L3MBTL4: variants seen among roughly 807,000 people sequenced by gnomAD.
L3MBTL4 encodes the protein L3MBTL histone methyl-lysine binding protein 4.
L3MBTL4 carries 70 observed loss-of-function variants against 84.5 expected under a neutral mutation model. That is an observed-to-expected ratio of 0.83 (90% CI 0.68 to 1.01). The LOEUF (loss-of-function observed/expected upper bound fraction) is 1.01, where lower values mean the gene tolerates loss of function less well. Among genes scored for constraint, L3MBTL4 ranks in the 50% least tolerant of loss-of-function variants. The probability of loss-of-function intolerance (pLI) is 0.00; values close to 1 mark genes in which losing one functional copy is unlikely to be tolerated. For synonymous variants in L3MBTL4, 274 were observed against 259.8 expected, an observed-to-expected ratio of 1.05 and a Z score of -0.52; for missense variants, 715 against 754.8, an observed-to-expected ratio of 0.95 and a Z score of 0.62.
chr18:6,162,807 G>A (rs943489347), intron 13 of L3MBTL4, among the ~76,000 whole-genome samples: 4 of 152,216 alleles, frequency 2.6e-5, no homozygotes, highest in African/African-American at 9.6e-5. Context: ...AAGATACAGA[G>A]GACAGCTATA....
intron 13 of L3MBTL4, among the ~76,000 whole-genome samples, chr18:6,154,856 G>T (rs1327873094): frequency 1.3e-5 from 2 of 152,076 alleles, no homozygotes; most frequent in Admixed American, 1.3e-4. Context: ...TTTGATGAGA[G>T]GGATTACATA....
At chr18:6,402,651 G>C (rs944394496) in intron 1 of L3MBTL4, among the ~76,000 whole-genome samples, 3 of 152,034 alleles carry the variant, frequency 2.0e-5, no homozygotes, top group African/African-American at 7.2e-5. Flanking sequence ...TTAATCACTA[G>C]TGATTAAATT....
chr18:5,989,352 T>C (rs2053589597), intron 16 of L3MBTL4, among the ~76,000 whole-genome samples: 1 of 152,044 alleles, frequency 6.6e-6, no homozygotes, highest in African/African-American at 2.4e-5. Context: ...AAGGCATAAA[T>C]AAAAAAATAT....
At position 6,078,283 on chromosome 18, in the gene L3MBTL4, C is replaced by T. The variant is rs575463815; in HGVS notation, c.1444+2598G>A. Among the ~76,000 whole-genome samples, 17 of 150,836 alleles carry T rather than the reference C, an allele frequency of 1.1e-4. No homozygotes were observed. In the South Asian group the frequency reaches 2.5e-3, roughly 22 times the overall value. ...CTCTGCTAAACTACAAAAAGTTAGC[C>T]GGATGTGGCGGTGTGAGCCTGTAAT... is the stretch of plus-strand genomic sequence containing the variant. On this transcript the variant is annotated intron_variant, in intron 16 of 18. Coordinates refer to ENST00000317931, the MANE Select transcript of L3MBTL4 (RefSeq NM_001330559.2).
chr18:6,330,210 T>C (rs236035), intron 1 of L3MBTL4, among the ~76,000 whole-genome samples: 9,297 of 152,318 alleles, frequency 0.061, 355 homozygotes, highest in East Asian at 0.11. Flanking sequence ...TCACAGAGTA[T>C]GTGAATTACT....
intron 12 of L3MBTL4, among the ~76,000 whole-genome samples, chr18:6,211,944 C>T (rs1340968667): frequency 5.9e-5 from 9 of 152,114 alleles, no homozygotes; most frequent in African/African-American, 2.2e-4. Context: ...CCACTGTGCC[C>T]GGCCTACTTT....
At chr18:6,366,935 G>A (rs1181985446) in intron 1 of L3MBTL4, among the ~76,000 whole-genome samples, 1 of 152,210 alleles carries the variant, frequency 6.6e-6, no homozygotes, top group Non-Finnish European at 1.5e-5. Flanking sequence ...GCAGATCTCT[G>A]CATTAGAAAG....
intron 15 of L3MBTL4, among the ~76,000 whole-genome samples, chr18:6,092,196 T>A (rs1437894762): frequency 6.6e-6 from 1 of 152,146 alleles, no homozygotes; most frequent in African/African-American, 2.4e-5. Context: ...GTCAAAATAT[T>A]CAAAATTTAA....
At chr18:6,339,196 A>G (rs1371667089) in intron 1 of L3MBTL4, among the ~76,000 whole-genome samples, 3 of 152,348 alleles carry the variant, frequency 2.0e-5, no homozygotes, top group Non-Finnish European at 4.4e-5. Flanking sequence ...AAGAAAATAA[A>G]AAAATGTCCT....
At chr18:6,182,113 CCAG>C (rs1193734964) in intron 12 of L3MBTL4, among the ~76,000 whole-genome samples, 1 of 152,206 alleles carries the variant, frequency 6.6e-6, no homozygotes, top group Non-Finnish European at 1.5e-5. Context: ...TACATTCCCA[CCAG>C]CAGTGTATAA....
chr18:6,284,941 C>T (rs1026660305), intron 4 of L3MBTL4, among the ~76,000 whole-genome samples: 9 of 152,198 alleles, frequency 5.9e-5, no homozygotes, highest in African/African-American at 2.2e-4. Context: ...GCACAGGCCT[C>T]AGAGCCTGGC....
At chr18:6,065,709 T>A (rs2057377182) in intron 16 of L3MBTL4, among the ~76,000 whole-genome samples, 1 of 152,086 alleles carries the variant, frequency 6.6e-6, no homozygotes, top group Non-Finnish European at 1.5e-5. Context: ...CCAGTTTCAT[T>A]TCCACTGAAT....
intron 13 of L3MBTL4, among the ~76,000 whole-genome samples, chr18:6,167,951 T>C (rs1411837769): frequency 6.6e-6 from 1 of 152,200 alleles, no homozygotes; most frequent in African/African-American, 2.4e-5. Flanking sequence ...CAAAATCTCC[T>C]TAAGCTGATA....
intron 1 of L3MBTL4, among the ~76,000 whole-genome samples, chr18:6,413,098 T>C (rs991031489): frequency 5.9e-5 from 9 of 151,926 alleles, no homozygotes; most frequent in African/African-American, 2.2e-4. Flanking sequence ...AAAATAAAAA[T>C]AAAATGTTTA....
intron 1 of L3MBTL4, among the ~76,000 whole-genome samples, chr18:6,361,401 T>C (rs2053688782): frequency 6.6e-6 from 1 of 152,162 alleles, no homozygotes; most frequent in African/African-American, 2.4e-5. Context: ...AATTTTTGCA[T>C]GGGAAGTTGC....
chr18:6,039,381 G>A (rs945582547), intron 16 of L3MBTL4, among the ~76,000 whole-genome samples: 8 of 151,898 alleles, frequency 5.3e-5, no homozygotes, highest in South Asian at 2.1e-4. Flanking sequence ...TGCTAGAGTC[G>A]GCTCTTTATC....
rs79798035 is a variant in L3MBTL4, at chr18:6,297,322, T to C, written c.127+4581A>G. The stretch of plus-strand genomic sequence containing the variant: ...TGCAATGCTAAATACCAAGTGATAT[T>C]CTGGGCTGTCTTGGGACAGAAAAAG... On this transcript the variant is annotated intron_variant, in intron 4 of 18. Coordinates refer to ENST00000317931, the MANE Select transcript of L3MBTL4 (RefSeq NM_001330559.2). Among the ~76,000 whole-genome samples the C allele has an allele frequency of 3.4e-4, 52 of 152,272 alleles. No homozygotes were observed. In the East Asian group the frequency reaches 8.9e-3, roughly 26 times the overall value.
chr18:6,123,035 T>C (rs1278100257), intron 14 of L3MBTL4, among the ~76,000 whole-genome samples: 1 of 152,212 alleles, frequency 6.6e-6, no homozygotes, highest in Admixed American at 6.5e-5. Flanking sequence ...ATTTTCTTTT[T>C]TCCTGTGCCT....
chr18:6,207,871 G>C (rs1333141975), intron 12 of L3MBTL4, among the ~76,000 whole-genome samples: 1 of 151,970 alleles, frequency 6.6e-6, no homozygotes, highest in African/African-American at 2.4e-5. Flanking sequence ...TTTGGGAGCC[G>C]AGGCAGGTGG....
Sources: allele counts gnomAD v4.1 joint callset (sites outside exome capture counted in the v4.1 genomes callset), GRCh38; gene constraint gnomAD v4.1.1; transcripts MANE v1.5; gene names NCBI Gene and HGNC (gene_info 2026-07-23, HGNC 2026-07-21).